The following PCDHA5 variants were observed in gnomAD, a reference collection of about 807,000 sequenced individuals.
The protein encoded by PCDHA5 is protocadherin alpha-5.
PCDHA5 carries 43 observed loss-of-function variants against 61.6 expected under a neutral mutation model. The ratio of observed to expected loss-of-function variants is 0.70; its 90% CI spans 0.55 to 0.90. The LOEUF (loss-of-function observed/expected upper bound fraction) is 0.90. PCDHA5 is among the 40% of genes least tolerant of loss of function. The pLI is 0.00. For synonymous variants in PCDHA5, 627 were observed against 543.9 expected (o/e 1.15, Z -2.13); for missense variants, 1,298 against 1,222.7 (o/e 1.06, Z -0.92).
At chr5:140,866,376 CA>C (rs2049320172) in intron 1 of PCDHA5, 1 of 152,074 alleles carries the variant, frequency 6.6e-6, no homozygotes, top group South Asian at 2.1e-4. Flanking sequence ...ACTTCAATAA[CA>C]ATTTTAAAGA....
intron 1 of PCDHA5, among the ~76,000 whole-genome samples, chr5:140,855,676 T>G (rs1325964352): frequency 1.3e-5 from 2 of 149,550 alleles, no homozygotes; most frequent in Non-Finnish European, 3.0e-5. Context: ...ACTCTGAGAG[T>G]CTACATTTAA....
rs141079325 is a variant in PCDHA5 at position 140,900,797 on chromosome 5, T to C, written c.2352+76670T>C. Among the ~76,000 whole-genome samples the C allele has an allele frequency of 8.0e-3, 1,218 of 152,324 alleles. 6 individuals carry two copies. Among genetic ancestry groups the C allele is most frequent in the African/African-American group, 0.019 (783 of 41,568 alleles). On this transcript the variant is annotated intron_variant, in intron 1 of 3. Coordinates refer to ENST00000529859, the MANE Select transcript of PCDHA5 (RefSeq NM_018908.3). ...TGAGGAAACTCCAAACTGTTCTCCA[T>C]AGTGCTTGTACTAATTTACATTCCC...
At chr5:140,881,931 G>T in intron 1 of PCDHA5, 1 of 276,824 alleles carries the variant, frequency 3.6e-6, no homozygotes, top group South Asian at 8.8e-5. Flanking sequence ...GCAGTGATTT[G>T]CTGTTTCTGG....
In PCDHA5 at chr5:140,825,021, A is replaced by G. The variant is rs193145934; in HGVS notation, c.2352+894A>G. The stretch of plus-strand genomic sequence containing the variant: ...ATGGTTTACTGTTCTAAAGGTGCAA[A>G]AGAATACAGTTAAATTTTCCCTTTC... On this transcript the variant is annotated intron_variant, in intron 1 of 3. Coordinates refer to ENST00000529859, the MANE Select transcript of PCDHA5 (RefSeq NM_018908.3). 2.8e-3 allele frequency: 423 copies of G among 152,172 alleles called. 3 individuals are homozygous for G. Among genetic ancestry groups the G allele is most frequent in the African/African-American group, 9.5e-3 (394 of 41,534 alleles). 9.4% of individuals were successfully genotyped at this position (152,172 alleles called of 1,614,324 possible). A position where few individuals can be genotyped will look rare whatever the true frequency, so the allele number is the denominator to read the frequency against.
At chr5:140,841,948 C>T (rs1777604440) in intron 1 of PCDHA5, 1 of 1,613,804 alleles carries the variant, frequency 6.2e-7, no homozygotes, top group Non-Finnish European at 8.5e-7. Flanking sequence ...CTGCGCACCA[C>T]TTATTCCTGA....
intron 1 of PCDHA5, chr5:140,927,385 C>G: frequency 6.2e-7 from 1 of 1,614,098 alleles, no homozygotes; most frequent in East Asian, 2.2e-5. Flanking sequence ...CAGCCTAAGC[C>G]CCAGTCAGCA....
rs1777975197 is a variant in PCDHA5 at position 140,842,460 on chromosome 5, G to C, written c.2352+18333G>C. On this transcript the variant is annotated intron_variant, in intron 1 of 3. Coordinates refer to ENST00000529859, the MANE Select transcript of PCDHA5 (RefSeq NM_018908.3). ...ATTAGCGTGAACGACCTCGATTCAGGTGCCAACGGGCAGGTGACCTGCTCC... is the reference window on the plus strand; with the variant it reads ...ATTAGCGTGAACGACCTCGATTCAGCTGCCAACGGGCAGGTGACCTGCTCC... 1 of 1,613,782 alleles carries C rather than the reference G, an allele frequency of 6.2e-7. No homozygotes were observed. The highest frequency in any genetic ancestry group is 1.1e-5 in the South Asian group (1 of 91,070).
chr5:140,969,221 C>T, intron 1 of PCDHA5: 2 of 1,614,158 alleles, frequency 1.2e-6, no homozygotes, highest in Non-Finnish European at 1.7e-6. Context: ...AGGACCAGGG[C>T]CTTCGGGAGC....
chr5:140,926,414 A>C, intron 1 of PCDHA5: 1 of 152,834 alleles, frequency 6.5e-6, no homozygotes, highest in Non-Finnish European at 1.5e-5. Context: ...ATCTGCGGGC[A>C]GAGGATGTGG....
chr5:140,878,800 A>T (rs1324441458), intron 1 of PCDHA5, among the ~76,000 whole-genome samples: 1 of 152,182 alleles, frequency 6.6e-6, no homozygotes, highest in Non-Finnish European at 1.5e-5. Context: ...CTTTTTAAAA[A>T]CATATGGGGG....
intron 1 of PCDHA5, among the ~76,000 whole-genome samples, chr5:140,826,508 T>C (rs150327644): frequency 1.1e-4 from 17 of 152,306 alleles, no homozygotes; most frequent in African/African-American, 4.1e-4. Context: ...AAGGTGAAGA[T>C]GATCATGTCA....
chr5:140,882,086 A>G (rs1416648023), intron 1 of PCDHA5: 4 of 1,056,010 alleles, frequency 3.8e-6, no homozygotes, highest in South Asian at 1.7e-5. Context: ...GTCGCTCTTC[A>G]CTGAGAACGT....
At chr5:140,982,658 C>G (rs530615346) in intron 3 of PCDHA5, 95 bp downstream of exon 3, 2 of 1,487,730 alleles carry the variant, frequency 1.3e-6, no homozygotes, top group East Asian at 4.9e-5. Context: ...GGCTCTTTTT[C>G]TTTTATATTT....
chr5:140,855,986 G>C (rs191873949), intron 1 of PCDHA5: 4 of 1,477,690 alleles, frequency 2.7e-6, no homozygotes, highest in Middle Eastern at 1.8e-4. Context: ...GACAGAAAAT[G>C]TCAGATCGTA....
At chr5:140,901,207 T>C (rs894216497) in intron 1 of PCDHA5, among the ~76,000 whole-genome samples, 1 of 152,206 alleles carries the variant, frequency 6.6e-6, no homozygotes, top group Non-Finnish European at 1.5e-5. Context: ...AGAAGGTTTT[T>C]AAGTTGATGT....
Position 140,821,675 on chromosome 5 carries a change from A to C in PCDHA5, c.-101A>C. On this transcript the variant is annotated 5_prime_UTR_variant, in exon 1 of 4. Transcript: ENST00000529859. ...TTTTGGCTGTGCCAAGAAGCTCAGA[A>C]AGGCGATAATATAAAAAATATATAG... 2 of 1,308,536 alleles carry C rather than the reference A, an allele frequency of 1.5e-6. No homozygotes were observed. The highest frequency in any genetic ancestry group is 2.1e-6 in the Non-Finnish European group (2 of 952,796). The allele number at this position is 1,308,536 out of a possible 1,614,324, so 81.1% of individuals were successfully genotyped here.
intron 1 of PCDHA5, chr5:140,830,311 G>A (rs2150184835): frequency 2.0e-5 from 32 of 1,613,870 alleles, no homozygotes; most frequent in Non-Finnish European, 2.5e-5. Context: ...CCACGCTGGT[G>A]TGCTCCAGCG....
At chr5:140,947,209 A>C (rs1462777257) in intron 1 of PCDHA5, among the ~76,000 whole-genome samples, 2 of 151,580 alleles carry the variant, frequency 1.3e-5, no homozygotes, top group Non-Finnish European at 3.0e-5. Flanking sequence ...AAAAAAAGAA[A>C]ATCCTGTCAT....
intron 3 of PCDHA5, among the ~76,000 whole-genome samples, chr5:140,993,561 T>C (rs1282310511): frequency 6.6e-6 from 1 of 151,800 alleles, no homozygotes; most frequent in Non-Finnish European, 1.5e-5. Flanking sequence ...GTATATAGTA[T>C]CCTTTCTAGG....
Sources: allele counts gnomAD v4.1 joint callset (sites outside exome capture counted in the v4.1 genomes callset), GRCh38; gene constraint gnomAD v4.1.1; transcripts MANE v1.5; gene names NCBI Gene and HGNC (gene_info 2026-07-23, HGNC 2026-07-21).